Variants in JAZF1 observed in about 807,000 individuals in gnomAD.
JAZF1 encodes the protein juxtaposed with another zinc finger protein 1.
In JAZF1, 8 loss-of-function variants were observed where a neutral mutation model predicts 26.4. The ratio of observed to expected loss-of-function variants is 0.30; its 90% confidence interval spans 0.18 to 0.55. The LOEUF (loss-of-function observed/expected upper bound fraction) is 0.55, where lower values mean the gene tolerates loss of function less well. Ranked by LOEUF, JAZF1 falls within the 20% of genes least tolerant of loss-of-function variation. The pLI, the probability that JAZF1 is intolerant of heterozygous loss-of-function variation, is 0.94. For synonymous variants in JAZF1, 126 were observed against 122.3 expected (o/e 1.03, Z -0.20); for missense variants, 199 against 322.0 (o/e 0.62, Z 2.92).
chr7:27,887,765 T>C (rs1032577830), intron 3 of JAZF1, among the ~76,000 whole-genome samples: 3 of 152,170 alleles, frequency 2.0e-5, no homozygotes, highest in African/African-American at 7.2e-5. Context: ...TGGGAAGGTT[T>C]TTTTCTAAGT....
chr7:28,156,865 A>G (rs1783192982), intron 1 of JAZF1, among the ~76,000 whole-genome samples: 1 of 152,230 alleles, frequency 6.6e-6, no homozygotes, highest in South Asian at 2.1e-4. Context: ...CATTCTTATG[A>G]GACAGTCATT....
chr7:28,142,766 G>A (rs1782976824), intron 1 of JAZF1, among the ~76,000 whole-genome samples: 1 of 152,144 alleles, frequency 6.6e-6, no homozygotes, highest in South Asian at 2.1e-4. Context: ...TTCTGGGTAG[G>A]ACAACAACCT....
At chr7:28,066,180 T>C (rs926889953) in intron 1 of JAZF1, among the ~76,000 whole-genome samples, 1 of 152,110 alleles carries the variant, frequency 6.6e-6, no homozygotes, top group African/African-American at 2.4e-5. Context: ...TTCTAACAAT[T>C]ACAGAAACAA....
At chr7:28,066,602 CAAAAAAAAA>C (rs911062551) in intron 1 of JAZF1, among the ~76,000 whole-genome samples, 2 of 31,784 alleles carry the variant, frequency 6.3e-5, no homozygotes, top group African/African-American at 2.0e-4. Flanking sequence ...GACTCCATCT[CAAAAAAAAA>C]AAAAAAAAAA....
chr7:27,923,534 G>A (rs2128348485), intron 2 of JAZF1, among the ~76,000 whole-genome samples: 1 of 152,344 alleles, frequency 6.6e-6, no homozygotes, highest in Non-Finnish European at 1.5e-5. Context: ...CTGGGAGGCT[G>A]TGGCTGACTG....
At chr7:27,865,187 T>C (rs1415156614) in intron 3 of JAZF1, among the ~76,000 whole-genome samples, 1 of 152,046 alleles carries the variant, frequency 6.6e-6, no homozygotes, top group Non-Finnish European at 1.5e-5. Flanking sequence ...CTGGGCAACA[T>C]GGTGAAATCC....
At chr7:28,158,646 T>C (rs1562607064) in intron 1 of JAZF1, among the ~76,000 whole-genome samples, 1 of 152,134 alleles carries the variant, frequency 6.6e-6, no homozygotes, top group African/African-American at 2.4e-5. Flanking sequence ...AATTCTCAGA[T>C]ATAAAGGAGC....
intron 1 of JAZF1, among the ~76,000 whole-genome samples, chr7:28,151,557 T>G (rs1368068395): frequency 1.3e-5 from 2 of 151,850 alleles, no homozygotes; most frequent in Admixed American, 6.6e-5. Context: ...TCCCAGCACT[T>G]TGGGAGGCCA....
At chr7:28,111,563 TGAG>T (rs1171503569) in intron 1 of JAZF1, among the ~76,000 whole-genome samples, 4 of 152,244 alleles carry the variant, frequency 2.6e-5, no homozygotes. Flanking sequence ...AATGCTTCTT[TGAG>T]GAGGTTCCTC....
At chr7:27,948,001 C>T (rs182902979) in intron 2 of JAZF1, among the ~76,000 whole-genome samples, 1 of 152,306 alleles carries the variant, frequency 6.6e-6, no homozygotes, top group East Asian at 1.9e-4. Context: ...ATGGCAGAGG[C>T]TGCCAAGGAT....
At chr7:28,076,968 G>C (rs1030808781) in intron 1 of JAZF1, among the ~76,000 whole-genome samples, 8 of 152,136 alleles carry the variant, frequency 5.3e-5, no homozygotes, top group Admixed American at 2.0e-4. Context: ...TTAGTGTGTA[G>C]ACGACAACCA....
chr7:27,868,325 A>G (rs1412303119), intron 3 of JAZF1, among the ~76,000 whole-genome samples: 3 of 152,206 alleles, frequency 2.0e-5, no homozygotes, highest in Admixed American at 2.0e-4. Flanking sequence ...TGTCACTCAC[A>G]TGGCCCATGC....
intron 1 of JAZF1, among the ~76,000 whole-genome samples, chr7:28,069,457 C>T (rs572648478): frequency 5.3e-5 from 8 of 152,310 alleles, no homozygotes; most frequent in African/African-American, 9.6e-5. Flanking sequence ...GGACAACTGC[C>T]TCAACTTCCT....
intron 2 of JAZF1, among the ~76,000 whole-genome samples, chr7:27,935,690 A>G (rs1450322808): frequency 1.3e-5 from 2 of 152,238 alleles, no homozygotes; most frequent in Non-Finnish European, 2.9e-5. Flanking sequence ...AATGTATGGT[A>G]TGTGAATTAT....
At chr7:27,980,935 G>A (rs1440764751) in intron 2 of JAZF1, among the ~76,000 whole-genome samples, 1 of 152,124 alleles carries the variant, frequency 6.6e-6, no homozygotes, top group Admixed American at 6.5e-5. Context: ...CAGGCTAGTA[G>A]TTGTCTGTTG....
At chr7:28,134,678 T>C (rs976698220) in intron 1 of JAZF1, among the ~76,000 whole-genome samples, 1 of 152,108 alleles carries the variant, frequency 6.6e-6, no homozygotes, top group African/African-American at 2.4e-5. Context: ...TCCTGGTTCC[T>C]GCAGGCCATC....
intron 3 of JAZF1, among the ~76,000 whole-genome samples, chr7:27,868,848 A>G (rs1783530575): frequency 1.3e-5 from 2 of 152,170 alleles, no homozygotes; most frequent in Admixed American, 6.5e-5. Context: ...TAATACATGG[A>G]GAAGGCTTTT....
At chr7:27,943,765 G>T (rs1260631567) in intron 2 of JAZF1, among the ~76,000 whole-genome samples, 1 of 152,194 alleles carries the variant, frequency 6.6e-6, no homozygotes, top group Non-Finnish European at 1.5e-5. Context: ...GTCATTTGGG[G>T]TGAGCTACAA....
intron 3 of JAZF1, among the ~76,000 whole-genome samples, chr7:27,876,077 T>A (rs1303342660): frequency 6.6e-6 from 1 of 152,166 alleles, no homozygotes; most frequent in Non-Finnish European, 1.5e-5. Flanking sequence ...CTGGTCTACA[T>A]TTGCATAGAA....
Sources: allele counts gnomAD v4.1 joint callset (sites outside exome capture counted in the v4.1 genomes callset), GRCh38; gene constraint gnomAD v4.1.1; transcripts MANE v1.5; gene names NCBI Gene and HGNC (gene_info 2026-07-23, HGNC 2026-07-21).